Variants in NRCAM observed in about 807,000 individuals in gnomAD.
NRCAM encodes the protein neuronal cell adhesion molecule.
In NRCAM, 83 loss-of-function variants were observed where a neutral mutation model predicts 156.5. That is an observed-to-expected ratio of 0.53 (90% CI 0.44 to 0.64). The LOEUF is 0.64. NRCAM is among the 30% of genes least tolerant of loss of function. The pLI is 0.00. For synonymous variants in NRCAM, 538 were observed against 563.9 expected (o/e 0.95, Z 0.65); for missense variants, 1,417 against 1,597.3 (o/e 0.89, Z 1.92).
At chr7:108,400,473 C>T (rs2099789182) in intron 1 of NRCAM, among the ~76,000 whole-genome samples, 1 of 152,158 alleles carries the variant, frequency 6.6e-6, no homozygotes, top group African/African-American at 2.4e-5. Context: ...GTATCGATGG[C>T]TGGGCCACAT....
At chr7:108,228,906 CT>C (rs1225307624) in intron 8 of NRCAM, among the ~76,000 whole-genome samples, 3 of 152,050 alleles carry the variant, frequency 2.0e-5, no homozygotes, top group Admixed American at 6.6e-5. Flanking sequence ...TGTTACTTTA[CT>C]TTCTCTGAGT....
intron 11 of NRCAM, among the ~76,000 whole-genome samples, chr7:108,210,830 A>C (rs996358500): frequency 2.6e-5 from 4 of 152,232 alleles, no homozygotes; most frequent in African/African-American, 9.6e-5. Flanking sequence ...ATGATGAAGA[A>C]AATATGGTCC....
chr7:108,450,556 G>A (rs1323105045), intron 1 of NRCAM, among the ~76,000 whole-genome samples: 1 of 151,000 alleles, frequency 6.6e-6, no homozygotes, highest in Non-Finnish European at 1.5e-5. Flanking sequence ...TCTATTTTCA[G>A]ATATGAGGCA....
chr7:108,159,354 T>C lies in NRCAM; in HGVS notation c.3677+109A>G, dbSNP rs540748232. 2.1e-5 allele frequency: 19 copies of C among 925,846 alleles called. No homozygotes were observed. In the African/African-American group the frequency reaches 2.9e-4, roughly 14 times the overall value. The allele number at this position is 925,846 out of a possible 1,614,324, so 57.4% of individuals were successfully genotyped here. On this transcript the variant is annotated intron_variant, in intron 32 of 32. Transcript: ENST00000379028. ...ACATGGAAGTATCCCTAAACTTCTA[T>C]TTGAGGAAAATATGAGATGCCAGGC...
At chr7:108,379,436 G>C (rs1386737422) in intron 2 of NRCAM, among the ~76,000 whole-genome samples, 1 of 152,086 alleles carries the variant, frequency 6.6e-6, no homozygotes, top group Non-Finnish European at 1.5e-5. Flanking sequence ...AAATTATAGA[G>C]GCAGAAAGTA....
chr7:108,249,264 T>A (rs1476376655), intron 3 of NRCAM, among the ~76,000 whole-genome samples: 2 of 152,200 alleles, frequency 1.3e-5, no homozygotes, highest in African/African-American at 4.8e-5. Context: ...GAGATGGACA[T>A]GACATGAAGA....
At chr7:108,193,960 C>T (rs1196610388) in intron 17 of NRCAM, 64 bp downstream of exon 17, 6 of 1,510,344 alleles carry the variant, frequency 4.0e-6, no homozygotes, top group Middle Eastern at 3.5e-4. Context: ...ACATAGTAGA[C>T]CTTTAGTTCA....
chr7:108,296,959 G>C (rs759160828), intron 3 of NRCAM, among the ~76,000 whole-genome samples: 9 of 152,166 alleles, frequency 5.9e-5, no homozygotes, highest in Non-Finnish European at 1.2e-4. Flanking sequence ...ACCCGAAAGA[G>C]GGTACTAGGC....
At chr7:108,285,478 T>C (rs2098058531) in intron 3 of NRCAM, among the ~76,000 whole-genome samples, 1 of 152,218 alleles carries the variant, frequency 6.6e-6, no homozygotes, top group South Asian at 2.1e-4. Flanking sequence ...GTCTTAGTCC[T>C]AAAGAGAAAC....
intron 2 of NRCAM, among the ~76,000 whole-genome samples, chr7:108,335,529 C>A (rs1174370592): frequency 1.4e-5 from 2 of 138,720 alleles, no homozygotes; most frequent in Non-Finnish European, 3.0e-5. Context: ...TTGAAGAATG[C>A]TTGGGAGATC....
intron 2 of NRCAM, among the ~76,000 whole-genome samples, chr7:108,349,968 T>G (rs1268857560): frequency 2.0e-5 from 3 of 152,214 alleles, no homozygotes; most frequent in African/African-American, 7.2e-5. Flanking sequence ...ATCAAAGGCA[T>G]TCCCTACCTT....
At chr7:108,175,581 A>T (rs546867151) in intron 27 of NRCAM, among the ~76,000 whole-genome samples, 1 of 152,312 alleles carries the variant, frequency 6.6e-6, no homozygotes, top group Admixed American at 6.5e-5. Context: ...TTGAATACCC[A>T]GTATTCAAAC....
intron 1 of NRCAM, among the ~76,000 whole-genome samples, chr7:108,400,614 T>TA (rs2099789626): frequency 6.6e-6 from 1 of 152,238 alleles, no homozygotes; most frequent in African/African-American, 2.4e-5. Context: ...CATTCTGTCT[T>TA]TTCTACACTT....
At position 108,194,180 on chromosome 7, in the gene NRCAM, T is replaced by C. The variant is rs6978315; in HGVS notation, c.1631-9A>G. ...AACGATCCATGTAGGATCTGAAATG[T>C]AGAGTCATCGTTATCCATTTGGCAA... On this transcript the variant is annotated splice_polypyrimidine_tract_variant and intron_variant, in intron 16 of 32. Coordinates refer to ENST00000379028, the MANE Select transcript of NRCAM (RefSeq NM_001037132.4). 0.77 allele frequency: 1,235,198 copies of C among 1,611,822 alleles called. 477,477 individuals are homozygous for C. Among genetic ancestry groups the C allele is most frequent in the East Asian group, 0.87 (39,158 of 44,848 alleles).
At chr7:108,365,147 A>AT (rs1258144843) in intron 2 of NRCAM, among the ~76,000 whole-genome samples, 1 of 152,118 alleles carries the variant, frequency 6.6e-6, no homozygotes, top group African/African-American at 2.4e-5. Flanking sequence ...TAACATATAT[A>AT]TATTTTTAGC....
At chr7:108,187,747 T>C (rs1275308230) in intron 20 of NRCAM, among the ~76,000 whole-genome samples, 2 of 151,674 alleles carry the variant, frequency 1.3e-5, no homozygotes, top group Non-Finnish European at 2.9e-5. Context: ...GTCGGGAGAT[T>C]GAGACCATTC....
rs184215108 is a variant in NRCAM, at chr7:108,149,169, G to T, written c.*741C>A. ...ATTCTTTCAGTATGGCACAAATGCC[G>T]AAATGCACTGCAATACACATTGTTT... On this transcript the variant is annotated 3_prime_UTR_variant, in exon 33 of 33. Coordinates refer to ENST00000379028, the MANE Select transcript of NRCAM (RefSeq NM_001037132.4). 6.6e-6 allele frequency: 1 copy of T among 152,650 alleles called. No individual in the cohort carries two copies. The highest frequency in any genetic ancestry group is 1.9e-4 in the East Asian group (1 of 5,184). The allele number at this position is 152,650 out of a possible 1,614,324, so 9.5% of individuals were successfully genotyped here. A position where few individuals can be genotyped will look rare whatever the true frequency, so the allele number is the denominator to read the frequency against.
chr7:108,288,758 G>C (rs2098189561), intron 3 of NRCAM, among the ~76,000 whole-genome samples: 1 of 152,092 alleles, frequency 6.6e-6, no homozygotes, highest in African/African-American at 2.4e-5. Context: ...AGTAGGGAAA[G>C]TGTTTTCTCC....
intron 5 of NRCAM, among the ~76,000 whole-genome samples, chr7:108,236,634 T>C (rs918116312): frequency 6.6e-6 from 1 of 152,188 alleles, no homozygotes; most frequent in African/African-American, 2.4e-5. Flanking sequence ...AAGAAAATAA[T>C]TACTATAAAA....
Sources: allele counts gnomAD v4.1 joint callset (sites outside exome capture counted in the v4.1 genomes callset), GRCh38; gene constraint gnomAD v4.1.1; transcripts MANE v1.5; gene names NCBI Gene and HGNC (gene_info 2026-07-23, HGNC 2026-07-21).